Variants in PPARGC1A observed in about 807,000 individuals in gnomAD.
PPARGC1A encodes PPARG coactivator 1 alpha.
In PPARGC1A, 25 loss-of-function variants were observed where a neutral mutation model predicts 88.7. That is an observed-to-expected ratio of 0.28 (90% confidence interval 0.21 to 0.39). The LOEUF (loss-of-function observed/expected upper bound fraction) is 0.39, where lower values mean the gene tolerates loss of function less well. Ranked by LOEUF, PPARGC1A falls within the 10% of genes least tolerant of loss-of-function variation. PPARGC1A has a pLI of 1.00. For missense variants in PPARGC1A, 880 were observed against 968.7 expected (o/e 0.91, Z 1.22); for synonymous variants, 363 against 355.6 (o/e 1.02, Z -0.24).
At chr4:24,243,410 G>GC in the PPARGC1A span, among the ~76,000 whole-genome samples, 4 of 152,174 alleles carry the variant, frequency 2.6e-5, no homozygotes, top group Non-Finnish European at 5.9e-5. Flanking sequence ...CATATGGAAT[G>GC]CATCAGGAAT....
chr4:23,814,483 T>C lies in PPARGC1A; in HGVS notation c.1000A>G (p.Ser334Gly). 2 of 1,613,774 alleles carry C rather than the reference T, an allele frequency of 1.2e-6. No homozygotes were observed. The highest frequency in any genetic ancestry group is 1.7e-6 in the Non-Finnish European group (2 of 1,179,902). The change falls in exon 8 of 13, where the codon AGT (serine) becomes GGT (glycine). Residue 334 changes from serine to glycine, a missense_variant. Physicochemically the swap from Ser to Gly is moderately conservative, Grantham distance 56. Transcript: ENST00000264867. ...TTGCCTTGTGTACCAGAAGACTCAC[T>C]GTACCTGGGCTTCTTTGATGGTGGT... Reference protein sequence around the residue: ...VPPPSKKPRYSESSGTQGNNS... With the variant: ...VPPPSKKPRYGESSGTQGNNS...
chr4:24,088,114 C>T, the PPARGC1A span, among the ~76,000 whole-genome samples: 2 of 151,872 alleles, frequency 1.3e-5, no homozygotes, highest in African/African-American at 2.4e-5. Flanking sequence ...TTTGGGAGGC[C>T]GAGGCAAGAG....
chr4:24,015,286 A>G, the PPARGC1A span, among the ~76,000 whole-genome samples: 1 of 150,910 alleles, frequency 6.6e-6, no homozygotes, highest in Non-Finnish European at 1.5e-5. Context: ...AGAGATAGAG[A>G]TAGAGGTACA....
the PPARGC1A span, among the ~76,000 whole-genome samples, chr4:24,153,770 T>C: frequency 6.6e-6 from 1 of 152,196 alleles, no homozygotes; most frequent in Admixed American, 6.6e-5. Context: ...TGTGATCTGA[T>C]TTTTGTTGGC....
At chr4:24,169,987 G>C in the PPARGC1A span, among the ~76,000 whole-genome samples, 1 of 152,194 alleles carries the variant, frequency 6.6e-6, no homozygotes, top group African/African-American at 2.4e-5. Flanking sequence ...TCAGTGCTTA[G>C]TCATGTAAAT....
chr4:23,817,270 G>A (rs1039184067), intron 7 of PPARGC1A, among the ~76,000 whole-genome samples: 2 of 151,974 alleles, frequency 1.3e-5, no homozygotes, highest in Non-Finnish European at 1.5e-5. Context: ...GCTCATTATC[G>A]CTTAAATAAC....
chr4:23,993,096 G>C, the PPARGC1A span, among the ~76,000 whole-genome samples: 1 of 151,416 alleles, frequency 6.6e-6, no homozygotes, highest in Non-Finnish European at 1.5e-5. Flanking sequence ...ACAAAGTAAA[G>C]CAAACAAAAA....
At chr4:24,036,004 A>C in the PPARGC1A span, among the ~76,000 whole-genome samples, 1 of 152,188 alleles carries the variant, frequency 6.6e-6, no homozygotes, top group Admixed American at 6.5e-5. Flanking sequence ...GTGTTTTAGA[A>C]TGTGGACTTT....
chr4:24,217,028 G>T, the PPARGC1A span, among the ~76,000 whole-genome samples: 10 of 152,212 alleles, frequency 6.6e-5, no homozygotes, highest in Non-Finnish European at 1.5e-4. Flanking sequence ...CACTTACAAA[G>T]TCTGGGGCAG....
At chr4:24,411,865 C>G in the PPARGC1A span, among the ~76,000 whole-genome samples, 1 of 152,218 alleles carries the variant, frequency 6.6e-6, no homozygotes, top group Non-Finnish European at 1.5e-5. Flanking sequence ...GTTTTTAGCA[C>G]TGAATAATAT....
Position 23,831,600 on chromosome 4 carries a change from G to A in PPARGC1A, c.386C>T (p.Pro129Leu). The A allele has an allele frequency of 6.2e-7, 1 of 1,614,160 alleles. No homozygotes were observed. The highest frequency in any genetic ancestry group is 8.5e-7 in the Non-Finnish European group (1 of 1,180,018). ...TDNEASPSSM[P>L]DGTPPPQEAE... ...CTCCTGGGGTGGAGGGGTGCCGTCA[G>A]GCATGGAGGAAGGACTAGCCTCATT... Residue 129 changes from proline to leucine, a missense_variant, in exon 3 of 13, where the codon CCT (proline) becomes CTT (leucine). By Grantham distance (98) the Pro-to-Leu change is moderately conservative. Coordinates refer to ENST00000264867, the MANE Select transcript of PPARGC1A (RefSeq NM_013261.5).
the PPARGC1A span, among the ~76,000 whole-genome samples, chr4:24,315,953 A>C: frequency 3.5e-4 from 53 of 152,330 alleles, no homozygotes; most frequent in African/African-American, 1.3e-3. Flanking sequence ...GTTCCTATCC[A>C]AGAGTTTTGG....
the PPARGC1A span, among the ~76,000 whole-genome samples, chr4:24,044,461 A>G: frequency 6.6e-6 from 1 of 152,126 alleles, no homozygotes; most frequent in Non-Finnish European, 1.5e-5. Flanking sequence ...GATTCACAGA[A>G]GCCTCTGTAG....
chr4:23,849,972 A>G (rs1031483833), intron 2 of PPARGC1A, among the ~76,000 whole-genome samples: 1 of 152,146 alleles, frequency 6.6e-6, no homozygotes, highest in Non-Finnish European at 1.5e-5. Flanking sequence ...ATGAAGGAAA[A>G]AAATAGACAA....
the PPARGC1A span, among the ~76,000 whole-genome samples, chr4:24,105,265 A>C: frequency 3.3e-5 from 5 of 152,214 alleles, no homozygotes; most frequent in African/African-American, 1.2e-4. Context: ...AACAGCCACC[A>C]CCAGTTTCCA....
the PPARGC1A span, among the ~76,000 whole-genome samples, chr4:24,180,876 T>G: frequency 1.3e-5 from 2 of 152,214 alleles, no homozygotes; most frequent in South Asian, 4.1e-4. Context: ...TGGGATACTT[T>G]TGATCCTCAA....
chr4:24,242,176 G>A, the PPARGC1A span, among the ~76,000 whole-genome samples: 1 of 152,110 alleles, frequency 6.6e-6, no homozygotes, highest in Non-Finnish European at 1.5e-5. Flanking sequence ...CCACACCACA[G>A]CCGAGTGACA....
chr4:24,472,271 C>T, the PPARGC1A span, among the ~76,000 whole-genome samples: 1 of 142,730 alleles, frequency 7.0e-6, no homozygotes, highest in Non-Finnish European at 1.5e-5. This position sits in a 1 kb window ranked among gnomAD's most constrained non-coding sequence, Gnocchi z 4.5. Context: ...GGCCCCCCAT[C>T]CTCCCCACCC....
chr4:24,416,808 A>T, the PPARGC1A span, among the ~76,000 whole-genome samples: 1 of 152,142 alleles, frequency 6.6e-6, no homozygotes, highest in Admixed American at 6.6e-5. Context: ...AGGCATTTGG[A>T]TCACCTGAGG....
Sources: gnomAD v4.1 joint callset for allele counts (sites outside exome capture counted in the v4.1 genomes callset) on GRCh38, gnomAD v4.1.1 for gene constraint, Gnocchi (gnomAD v3.1) non-coding constraint, MANE v1.5 for transcripts, NCBI Gene and HGNC (gene_info 2026-07-23, HGNC 2026-07-21) for gene names.